Variants in SLC30A8 observed in about 807,000 individuals in gnomAD.
The protein encoded by SLC30A8 is solute carrier family 30 member 8.
A neutral mutation model predicts 36.9 loss-of-function variants in SLC30A8; 27 were observed. That is an observed-to-expected ratio of 0.73 (90% CI 0.54 to 1.01). The LOEUF is 1.01. SLC30A8 is among the 50% of genes least tolerant of loss of function. The pLI, the probability that SLC30A8 is intolerant of heterozygous loss-of-function variation, is 0.00. For missense variants in SLC30A8, 439 were observed against 452.0 expected, an observed-to-expected ratio of 0.97 and a Z score of 0.26; for synonymous variants, 164 against 172.4, an observed-to-expected ratio of 0.95 and a Z score of 0.38.
At chr8:116,957,361 C>T (rs565543218) in intron 1 of SLC30A8, among the ~76,000 whole-genome samples, 273 of 152,184 alleles carry the variant, frequency 1.8e-3, no homozygotes, top group Non-Finnish European at 1.5e-3. Flanking sequence ...ACCTCCGCCT[C>T]TTGGGTTCAA....
At chr8:117,077,618 T>C (rs1465956562) in intron 2 of SLC30A8, among the ~76,000 whole-genome samples, 2 of 152,218 alleles carry the variant, frequency 1.3e-5, no homozygotes, top group Non-Finnish European at 1.5e-5. Flanking sequence ...TACCTTTTAA[T>C]TGATGGCATT....
At position 117,135,068 on chromosome 8, in the gene SLC30A8, T is replaced by C. The variant is rs978793910; in HGVS notation, c.-260T>C. The C allele has an allele frequency of 1.2e-4, 41 of 329,976 alleles. No individual in the cohort carries two copies. The highest frequency in any genetic ancestry group is 2.0e-4 in the Non-Finnish European group (37 of 181,572). The allele number at this position is 329,976 out of a possible 1,614,324, so 20.4% of individuals were successfully genotyped here. ...TCATATGAAAGACATACACACTTCATGTAATGCTACCTGCAAGTCTCCCTA... is the reference window on the plus strand; with the variant it reads ...TCATATGAAAGACATACACACTTCACGTAATGCTACCTGCAAGTCTCCCTA... On this transcript the variant is annotated 5_prime_UTR_variant, in exon 1 of 8. An upstream start codon of the reference 5' UTR is lost. Coordinates refer to ENST00000456015, the MANE Select transcript of SLC30A8 (RefSeq NM_173851.3).
chr8:117,170,970 T>A, intron 6 of SLC30A8, 64 bp from the exon 7 acceptor site: 1 of 1,424,332 alleles, frequency 7.0e-7, no homozygotes, highest in East Asian at 2.4e-5. Flanking sequence ...GCAGCTTGTT[T>A]AGGTAATTCA....
chr8:117,070,670 A>G (rs1818304165), intron 2 of SLC30A8, among the ~76,000 whole-genome samples: 1 of 152,176 alleles, frequency 6.6e-6, no homozygotes, highest in African/African-American at 2.4e-5. Flanking sequence ...GTTGTGCAAT[A>G]TATCTCAAAA....
intron 1 of SLC30A8, among the ~76,000 whole-genome samples, chr8:116,981,507 C>T (rs116548411): frequency 6.6e-6 from 1 of 152,266 alleles, no homozygotes; most frequent in African/African-American, 2.4e-5. Context: ...CAGATTATTT[C>T]ACCACCCAGG....
chr8:116,988,865 C>T (rs1815539237), intron 1 of SLC30A8, among the ~76,000 whole-genome samples: 1 of 152,176 alleles, frequency 6.6e-6, no homozygotes, highest in Non-Finnish European at 1.5e-5. Flanking sequence ...GAATCCCTAT[C>T]TTCTTAATGC....
chr8:116,972,381 C>G (rs1184478648), intron 1 of SLC30A8, among the ~76,000 whole-genome samples: 1 of 152,180 alleles, frequency 6.6e-6, no homozygotes, highest in Non-Finnish European at 1.5e-5. Context: ...TAAATCGATG[C>G]AGAGAAGTGA....
Position 117,112,328 on chromosome 8 carries a change from G to C in SLC30A8, c.-225-22952G>C, listed in dbSNP as rs558448224. On this transcript the variant is annotated intron_variant, in intron 2 of 10. Coordinates refer to the SLC30A8 transcript ENST00000427715. ...ATTCAGAGAATTTTAATTAAGCTCT[G>C]TTGTATTCATCCCTTACTCTTAATA... Among the ~76,000 whole-genome samples the C allele has an allele frequency of 8.5e-5, 13 of 152,242 alleles. No individual in the cohort carries two copies. The South Asian group carries it at 2.7e-3, about 32-fold the overall frequency.
chr8:116,973,802 C>T (rs1814877943), intron 1 of SLC30A8, among the ~76,000 whole-genome samples: 2 of 152,184 alleles, frequency 1.3e-5, no homozygotes, highest in African/African-American at 4.8e-5. Context: ...TACAAGGCTA[C>T]AGTAACCAAA....
intron 1 of SLC30A8, among the ~76,000 whole-genome samples, chr8:117,024,122 G>T (rs544763566): frequency 6.6e-6 from 1 of 152,126 alleles, no homozygotes; most frequent in Non-Finnish European, 1.5e-5. Flanking sequence ...CAGTTGATTT[G>T]CTGTTGGATA....
chr8:117,032,751 G>T (rs1465532022), intron 1 of SLC30A8, among the ~76,000 whole-genome samples: 1 of 152,110 alleles, frequency 6.6e-6, no homozygotes, highest in African/African-American at 2.4e-5. Flanking sequence ...TTAGCCGGGT[G>T]TGGTGGTGGG....
chr8:117,037,183 T>C (rs778716931), intron 1 of SLC30A8, among the ~76,000 whole-genome samples: 3 of 152,192 alleles, frequency 2.0e-5, no homozygotes, highest in Non-Finnish European at 4.4e-5. Context: ...ATTTTACTAA[T>C]GTGCTGTGGT....
chr8:117,107,766 C>T (rs1820055138), intron 2 of SLC30A8, among the ~76,000 whole-genome samples: 1 of 152,044 alleles, frequency 6.6e-6, no homozygotes, highest in African/African-American at 2.4e-5. Context: ...AATAACTAAC[C>T]CTGAAAAATC....
chr8:117,055,798 A>G (rs1817853542), intron 2 of SLC30A8: 1 of 152,230 alleles, frequency 6.6e-6, no homozygotes, highest in South Asian at 2.1e-4. Flanking sequence ...TAAGGCCTGG[A>G]TAATAAAATG....
chr8:117,013,025 C>T (rs1816399164), intron 1 of SLC30A8, among the ~76,000 whole-genome samples: 1 of 152,082 alleles, frequency 6.6e-6, no homozygotes, highest in Admixed American at 6.5e-5. Context: ...TTTCCTCTGG[C>T]TTTCTCTGCA....
intron 1 of SLC30A8, among the ~76,000 whole-genome samples, chr8:117,137,531 A>G (rs1821418786): frequency 6.6e-6 from 1 of 151,992 alleles, no homozygotes; most frequent in African/African-American, 2.4e-5. Context: ...GCAGCATTCC[A>G]TGTGAATTAG....
intron 2 of SLC30A8, chr8:117,128,545 GTGTTA>G: frequency 2.7e-5 from 2 of 73,196 alleles, no homozygotes. Context: ...TATGCTCCCT[GTGTTA>G]TTATTGCCTA....
chr8:117,068,881 C>CT (rs1165363482), intron 2 of SLC30A8, among the ~76,000 whole-genome samples: 4 of 152,114 alleles, frequency 2.6e-5, no homozygotes, highest in Non-Finnish European at 5.9e-5. Flanking sequence ...GTGGCAACCA[C>CT]TTTTTTACCA....
chr8:117,140,502 G>GA (rs140081415), intron 1 of SLC30A8, among the ~76,000 whole-genome samples: 3,172 of 152,014 alleles, frequency 0.021, 73 homozygotes, highest in African/African-American at 0.053. Flanking sequence ...AGCAGCAAGA[G>GA]AAAAAAGAAA....
Sources: gnomAD v4.1 joint callset for allele counts (sites outside exome capture counted in the v4.1 genomes callset) on GRCh38, gnomAD v4.1.1 for gene constraint, MANE v1.5 for transcripts, NCBI Gene and HGNC (gene_info 2026-07-23, HGNC 2026-07-21) for gene names.